The following NMD3 variants were observed in gnomAD, a reference collection of about 807,000 sequenced individuals.
NMD3 encodes the protein 60S ribosomal export protein NMD3.
NMD3 carries 47 observed loss-of-function variants against 73.1 expected under a neutral mutation model. The ratio of observed to expected loss-of-function variants is 0.64; its 90% CI spans 0.51 to 0.82. The LOEUF (loss-of-function observed/expected upper bound fraction) is 0.82. NMD3 is among the 40% of genes least tolerant of loss of function. The probability of loss-of-function intolerance (pLI) is 0.00; values close to 1 mark genes in which losing one functional copy is unlikely to be tolerated. For synonymous variants in NMD3, 210 were observed against 194.5 expected (o/e 1.08, Z -0.66); for missense variants, 554 against 612.5 (o/e 0.90, Z 1.01).
In NMD3 at chr3:161,246,394, A is replaced by G. The variant is rs1737206118; in HGVS notation, c.1076A>G (p.Tyr359Cys). Residue 359 changes from tyrosine (Y) to cysteine (C), a missense_variant, in exon 12 of 16, where the codon TAT becomes TGT. Transcript: ENST00000351193. ...KTSEMNTDKQ[Y>C]FCRTHLGHLL... is the part of the protein sequence containing the mutation. ...TCTGAAATGAATACAGATAAACAGT[A>G]TTTTTGTCGTACTCATTTGGGACAT... 9.1e-6 allele frequency: 14 copies of G among 1,531,250 alleles called. No homozygotes were observed. The highest frequency in any genetic ancestry group is 1.4e-5 in the African/African-American group (1 of 74,064). The allele number at this position is 1,531,250 out of a possible 1,614,324, so 94.9% of individuals were successfully genotyped here. A position where few individuals can be genotyped will look rare whatever the true frequency, so the allele number is the denominator to read the frequency against.
rs1272846156 is a variant in NMD3 at position 161,238,133 on chromosome 3, T to G, written c.598T>G (p.Ser200Ala). 1 of 1,598,710 alleles carries G rather than the reference T, an allele frequency of 6.3e-7. No homozygotes were observed. The highest frequency in any genetic ancestry group is 1.4e-5 in the African/African-American group (1 of 73,892). The change falls in exon 8 of 16, where the codon TCC becomes GCC. Residue 200 changes from serine to alanine, a missense_variant. Transcript: ENST00000351193. Reference protein sequence around the residue: ...EIHDGLDFYYSSKQHAQKMVE... With the variant: ...EIHDGLDFYYASKQHAQKMVE... ...TTAAGATGGTCTGGATTTTTATTAT[T>G]CCTCAAAACAACATGCTCAGAAGAT...
At chr3:161,252,763 T>C (rs1284665715), downstream of NMD3, 1 of 677,028 alleles carries the variant, frequency 1.5e-6, no homozygotes, top group Non-Finnish European at 2.7e-6. Context: ...CCATTTTTTT[T>C]TGTAGCCAAA....
intron 15 of NMD3, 78 bp from the exon 16 acceptor site, chr3:161,250,702 T>G (rs1392545365): frequency 1.2e-6 from 1 of 846,154 alleles, no homozygotes. Context: ...TAGATATTTG[T>G]ATATTTTCAA....
chr3:161,252,599 A>G (rs983080108), downstream of NMD3, among the ~76,000 whole-genome samples: 1 of 152,206 alleles, frequency 6.6e-6, no homozygotes, highest in Non-Finnish European at 1.5e-5. Context: ...ACCATACTAT[A>G]TAGTAAGGTT....
intron 6 of NMD3, 99 bp from the exon 7 acceptor site, chr3:161,235,023 G>A: frequency 2.2e-6 from 2 of 924,628 alleles, no homozygotes; most frequent in Non-Finnish European, 3.3e-6. Context: ...GTTATTGTTT[G>A]AAAAATCAGT....
At chr3:161,223,461 T>C (rs1331844951) in intron 2 of NMD3, among the ~76,000 whole-genome samples, 1 of 151,678 alleles carries the variant, frequency 6.6e-6, no homozygotes, top group Non-Finnish European at 1.5e-5. Flanking sequence ...AAAATTCTGC[T>C]ATGGGTAAAT....
chr3:161,234,439 T>TTATA (rs59829615), intron 5 of NMD3, among the ~76,000 whole-genome samples: 26,714 of 145,324 alleles, frequency 0.18, 3,192 homozygotes, highest in East Asian at 0.51. Flanking sequence ...TCAAAAAAAA[T>TTATA]TATATATATA....
At chr3:161,250,053 A>C (rs545229551) in intron 14 of NMD3, among the ~76,000 whole-genome samples, 1 of 152,314 alleles carries the variant, frequency 6.6e-6, no homozygotes, top group South Asian at 2.1e-4. Flanking sequence ...GTTCTAAAAC[A>C]GTTTATTGGA....
intron 3 of NMD3, among the ~76,000 whole-genome samples, chr3:161,225,401 T>TC (rs1305223202): frequency 6.6e-6 from 1 of 152,190 alleles, no homozygotes; most frequent in Non-Finnish European, 1.5e-5. Flanking sequence ...GGTTTTTTTT[T>TC]CTTTAGTTAT....
chr3:161,244,324 T>A (rs1737106691), intron 11 of NMD3, among the ~76,000 whole-genome samples: 1 of 152,074 alleles, frequency 6.6e-6, no homozygotes, highest in Non-Finnish European at 1.5e-5. Flanking sequence ...AGAGATGGGG[T>A]CTCCATGTTA....
In NMD3 at chr3:161,234,552, C is replaced by T. The variant is rs993235004; in HGVS notation, c.358-175C>T. ...AATCTTAGGAATTAAATCTGTATAC[C>T]GTTCTTGAAATAGTATAACTTGTTT... On this transcript the variant is annotated intron_variant, in intron 5 of 15. Coordinates refer to ENST00000351193, the MANE Select transcript of NMD3 (RefSeq NM_015938.5). 4.0e-5 allele frequency among the ~76,000 whole-genome samples: 6 copies of T among 151,384 alleles called. No homozygotes were observed. In the South Asian group the frequency reaches 6.3e-4, roughly 16 times the overall value.
Position 161,250,987 on chromosome 3 carries a change from G to A in NMD3, c.*77G>A. On this transcript the variant is annotated 3_prime_UTR_variant, in exon 16 of 16. Transcript: ENST00000351193. The stretch of plus-strand genomic sequence containing the variant: ...TACCTTAAGTGTCTCTACTATCTTT[G>A]CCTCCAGATTTCAAGAGGAGAAATT... 1 of 1,205,422 alleles carries A rather than the reference G, an allele frequency of 8.3e-7. No homozygotes were observed. 74.7% of individuals were successfully genotyped at this position (1,205,422 alleles called of 1,614,324 possible).
At chr3:161,224,480 CTTTGTTTCTTTTT>C (rs1041169595) in intron 2 of NMD3, among the ~76,000 whole-genome samples, 44 of 152,084 alleles carry the variant, frequency 2.9e-4, no homozygotes, top group Non-Finnish European at 4.6e-4. Context: ...TTGAAGATTG[CTTTGTTTCTTTTT>C]TTTGTTTCTT....
At position 161,241,420 on chromosome 3, in the gene NMD3, C is replaced by CTT. The variant is rs35893497; in HGVS notation, c.871+274_871+275dup. ...TTCCATTAATTTTTACTGAAATTGA[C>CTT]TTTTTTTTTTTTTTTTTTGAGATGG... On this transcript the variant is annotated intron_variant, in intron 10 of 15. Transcript: ENST00000351193. Among the ~76,000 whole-genome samples the CTT allele has an allele frequency of 5.2e-3, 656 of 126,164 alleles. 8 individuals are homozygous for CTT. The highest frequency in any genetic ancestry group is 0.014 in the African/African-American group (476 of 34,386). The allele number at this position is 126,164 out of a possible 152,430, so 82.8% of individuals were successfully genotyped here. A position where few individuals can be genotyped will look rare whatever the true frequency, so the allele number is the denominator to read the frequency against.
At chr3:161,222,488 C>G (rs1055550920) in intron 2 of NMD3, among the ~76,000 whole-genome samples, 8 of 151,728 alleles carry the variant, frequency 5.3e-5, no homozygotes, top group African/African-American at 1.9e-4. Flanking sequence ...CGGATGACTT[C>G]CTGATTTTTA....
chr3:161,230,549 G>A (rs116330020), intron 4 of NMD3, among the ~76,000 whole-genome samples: 146 of 152,240 alleles, frequency 9.6e-4, no homozygotes, highest in African/African-American at 3.2e-3. Context: ...ATTGGCTGGG[G>A]GGTGGCCTCA....
intron 9 of NMD3, among the ~76,000 whole-genome samples, chr3:161,240,818 G>A (rs1050689013): frequency 6.6e-6 from 1 of 150,498 alleles, no homozygotes; most frequent in African/African-American, 2.4e-5. Context: ...ACAGGAGTGA[G>A]CCAGCGTGCT....
intron 9 of NMD3, among the ~76,000 whole-genome samples, chr3:161,240,279 A>G (rs931160367): frequency 5.3e-5 from 8 of 152,090 alleles, no homozygotes; most frequent in Admixed American, 5.2e-4. Flanking sequence ...TAGACATGTG[A>G]CTTTTTTGGG....
Position 161,251,000 on chromosome 3 carries a change from A to C in NMD3, c.*90A>C. 9 of 1,046,820 alleles carry C rather than the reference A, an allele frequency of 8.6e-6. No individual in the cohort carries two copies. The highest frequency in any genetic ancestry group is 1.1e-5 in the Non-Finnish European group (8 of 727,060). 64.8% of individuals were successfully genotyped at this position (1,046,820 alleles called of 1,614,324 possible). A position where few individuals can be genotyped will look rare whatever the true frequency, so the allele number is the denominator to read the frequency against. ...TCTACTATCTTTGCCTCCAGATTTC[A>C]AGAGGAGAAATTTAGTTTTAAACCT... On this transcript the variant is annotated 3_prime_UTR_variant, in exon 16 of 16. Transcript: ENST00000351193.
Sources: gnomAD v4.1 joint callset for allele counts (sites outside exome capture counted in the v4.1 genomes callset) on GRCh38, gnomAD v4.1.1 for gene constraint, MANE v1.5 for transcripts, NCBI Gene and HGNC (gene_info 2026-07-23, HGNC 2026-07-21) for gene names.